P3H4: variants seen among roughly 807,000 people sequenced by gnomAD.
The protein encoded by P3H4 is prolyl 3-hydroxylase family member 4 (inactive).
P3H4 carries 47 observed loss-of-function variants against 52.9 expected under a neutral mutation model. The ratio of observed to expected loss-of-function variants is 0.89; its 90% confidence interval spans 0.70 to 1.13. P3H4 has a LOEUF of 1.13. P3H4 is among the 50% of genes most tolerant of loss of function. The pLI is 0.00. For synonymous variants in P3H4, 256 were observed against 267.9 expected (o/e 0.96, Z 0.44); for missense variants, 585 against 611.0 (o/e 0.96, Z 0.45).
rs1555615274 is a variant in P3H4, at chr17:41,811,812, G to C, written c.104C>G (p.Pro35Arg). The C allele has an allele frequency of 6.5e-7, 1 of 1,537,518 alleles. No homozygotes were observed. The highest frequency in any genetic ancestry group is 8.7e-7 in the Non-Finnish European group (1 of 1,153,574). ...FRGFPPEDLMPLAAAYGHALE... is the reference protein window; with the variant it reads ...FRGFPPEDLMRLAAAYGHALE... ...AGCGTGCCCGTACGCCGCGGCCAGC[G>C]GCATCAGGTCCTCGGGCGGGAAGCC... Residue 35 changes from proline (P) to arginine (R), a missense_variant, in exon 1 of 8, where the codon CCG becomes CGG. Coordinates refer to ENST00000393928, the MANE Select transcript of P3H4 (RefSeq NM_006455.3). The surrounding 1 kb of genome is among the most constrained non-coding windows in gnomAD (Gnocchi z 4.8).
At chr17:41,803,455 G>C in intron 6 of P3H4, 24 bp from the exon 7 acceptor site, 1 of 1,611,174 alleles carries the variant, frequency 6.2e-7, no homozygotes, top group Non-Finnish European at 8.5e-7. Context: ...ACGGTTGTGG[G>C]AGAAACCGGG....
intron 3 of P3H4, among the ~76,000 whole-genome samples, chr17:41,810,305 C>G (rs1365367533): frequency 6.6e-6 from 1 of 151,610 alleles, no homozygotes; most frequent in South Asian, 2.1e-4. Flanking sequence ...TCCCGAGTAG[C>G]TGGGATTACA....
chr17:41,807,787 C>G, intron 5 of P3H4, 72 bp downstream of exon 5: 1 of 1,541,202 alleles, frequency 6.5e-7, no homozygotes, highest in Non-Finnish European at 8.8e-7. Context: ...CATGAGCCAC[C>G]GCGCCCGGCC....
intron 5 of P3H4, 44 bp from the exon 6 acceptor site, chr17:41,806,923 T>C: frequency 6.6e-7 from 1 of 1,510,052 alleles, no homozygotes; most frequent in Non-Finnish European, 9.2e-7. Flanking sequence ...CCATACCCTG[T>C]TGCCAGATGG....
intron 3 of P3H4, among the ~76,000 whole-genome samples, chr17:41,810,159 A>G (rs1176124905): frequency 1.3e-5 from 2 of 150,466 alleles, no homozygotes; most frequent in Non-Finnish European, 3.0e-5. Flanking sequence ...CAGAGAAGCT[A>G]AAGGACAGTC....
chr17:41,809,718 C>T lies in P3H4; in HGVS notation c.904G>A (p.Ala302Thr), dbSNP rs2047709578. ...CCAGGGGGCTCACACTTATAGTAGG[C>T]AAACTGCAGGTAGTGGTACATGGTG... ...VATMYHYLQFAYYKLNDVRQA... is the reference protein window; with the variant it reads ...VATMYHYLQFTYYKLNDVRQA... The change falls in exon 4 of 8, where the codon GCC becomes ACC. Residue 302 changes from alanine to threonine, a missense_variant. Ala to Thr is a moderately conservative substitution (Grantham distance 58). Transcript: ENST00000393928. 1 of 1,613,260 alleles carries T rather than the reference C, an allele frequency of 6.2e-7. No homozygotes were observed. Among genetic ancestry groups the T allele is most frequent in the African/African-American group, 1.3e-5 (1 of 75,034 alleles).
Position 41,802,140 on chromosome 17 carries a change from C to A in P3H4, c.*817G>T, listed in dbSNP as rs543887541. 94 of 152,450 alleles carry A rather than the reference C, an allele frequency of 6.2e-4. No individual in the cohort carries two copies. Among genetic ancestry groups the A allele is most frequent in the African/African-American group, 2.1e-3 (89 of 41,556 alleles). 9.4% of individuals were successfully genotyped at this position (152,450 alleles called of 1,614,324 possible). On this transcript the variant is annotated 3_prime_UTR_variant, in exon 8 of 8. Coordinates refer to ENST00000393928, the MANE Select transcript of P3H4 (RefSeq NM_006455.3). ...GGAGCTCAGCAGTGAGGAGGGCGGA[C>A]CCCATCAGCCCACTTGCCAACCTGC...
At chr17:41,807,833 C>T in intron 5 of P3H4, 26 bp downstream of exon 5, 1 of 1,603,998 alleles carries the variant, frequency 6.2e-7, no homozygotes, top group Non-Finnish European at 8.5e-7. Flanking sequence ...GCATATCCAG[C>T]AAGTGCCCCA....
rs1555613697 is a variant in P3H4 at position 41,802,927 on chromosome 17, C to T, written c.*30G>A. On this transcript the variant is annotated 3_prime_UTR_variant, in exon 8 of 8. Transcript: ENST00000393928. The stretch of plus-strand genomic sequence containing the variant: ...GTGGGGCCATCGGCACCAGGCTTCC[C>T]AAGCTTGAGCGGTGTGGGGTGTCCC... 1.2e-6 allele frequency: 2 copies of T among 1,609,646 alleles called. No individual in the cohort carries two copies. Among genetic ancestry groups the T allele is most frequent in the African/African-American group, 2.7e-5 (2 of 74,806 alleles).
At chr17:41,805,984 A>G (rs1461651055) in intron 6 of P3H4, among the ~76,000 whole-genome samples, 4 of 152,044 alleles carry the variant, frequency 2.6e-5, no homozygotes, top group African/African-American at 9.7e-5. Flanking sequence ...ACTTTGGGAG[A>G]CCGAGGCAGA....
Position 41,811,576 on chromosome 17 carries a change from C to T in P3H4, c.340G>A (p.Ala114Thr). The T allele has an allele frequency of 6.2e-7, 1 of 1,601,012 alleles. No homozygotes were observed. The highest frequency in any genetic ancestry group is 8.5e-7 in the Non-Finnish European group (1 of 1,175,532). Reference protein sequence around the residue: ...RLFGRVLERAACLRRCKRTLP... With the variant: ...RLFGRVLERATCLRRCKRTLP... ...GTCCGCTTGCAGCGCCGCAGGCAGG[C>T]GGCTCGCTCCAGGACGCGGCCGAAG... Residue 114 changes from alanine (A) to threonine (T), a missense_variant, in exon 1 of 8, where the codon GCC becomes ACC. Transcript: ENST00000393928. The surrounding 1 kb of genome is among the most constrained non-coding windows in gnomAD (Gnocchi z 4.8).
intron 4 of P3H4, 120 bp downstream of exon 4, chr17:41,809,586 C>T: frequency 2.4e-6 from 3 of 1,235,660 alleles, no homozygotes; most frequent in South Asian, 1.6e-5. Context: ...AGACTTTCCT[C>T]CTATCACCCA....
At position 41,809,711 on chromosome 17, in the gene P3H4, T is replaced by G; in HGVS notation, c.911A>C (p.Tyr304Ser). The G allele has an allele frequency of 6.2e-7, 1 of 1,613,068 alleles. No individual in the cohort carries two copies. Among genetic ancestry groups the G allele is most frequent in the Non-Finnish European group, 8.5e-7 (1 of 1,179,764 alleles). The change falls in exon 4 of 8, where the codon TAT becomes TCT. Residue 304 changes from tyrosine (Y) to serine (S), a missense_variant. By Grantham distance (144) the Tyr-to-Ser change is moderately radical. Transcript: ENST00000393928. ...AGCCCACCCAGGGGGCTCACACTTATAGTAGGCAAACTGCAGGTAGTGGTA... is the reference window on the plus strand; with the variant it reads ...AGCCCACCCAGGGGGCTCACACTTAGAGTAGGCAAACTGCAGGTAGTGGTA... ...TMYHYLQFAY[Y>S]KLNDVRQAAR... is the part of the protein sequence containing the mutation.
chr17:41,811,180 C>T lies in P3H4; in HGVS notation c.567G>A (p.Leu189=). The change falls in exon 2 of 8, where the codon CTG becomes CTA. Residue 189 remains leucine (L), a synonymous_variant. Transcript: ENST00000393928. The surrounding 1 kb of genome is among the most constrained non-coding windows in gnomAD (Gnocchi z 4.8). The part of the protein sequence containing the change: ...AKYLNYYQGM[L]DVADESLTDL... ...CCGTGAGGGACTCGTCGGCGACGTC[C>T]AGCATCCCCTGATAGTAGTTGAGAT... 1 of 1,614,222 alleles carries T rather than the reference C, an allele frequency of 6.2e-7. No homozygotes were observed. Among genetic ancestry groups the T allele is most frequent in the Non-Finnish European group, 8.5e-7 (1 of 1,180,036 alleles).
intron 6 of P3H4, among the ~76,000 whole-genome samples, chr17:41,803,775 T>G (rs1555613837): frequency 6.6e-6 from 1 of 152,186 alleles, no homozygotes; most frequent in African/African-American, 2.4e-5. Context: ...CTGTCCCCTG[T>G]GCCTGCGTAG....
intron 6 of P3H4, among the ~76,000 whole-genome samples, chr17:41,805,168 T>A (rs1223041591): frequency 6.6e-6 from 1 of 150,486 alleles, no homozygotes; most frequent in African/African-American, 2.4e-5. Flanking sequence ...GCGCCTGTGG[T>A]CCCAGCTACT....
intron 5 of P3H4, 142 bp downstream of exon 5, chr17:41,807,717 C>T (rs537819116): frequency 2.9e-6 from 3 of 1,042,546 alleles, no homozygotes; most frequent in East Asian, 5.9e-5. Context: ...CCAGGATGGT[C>T]CTGATCTCCT....
At chr17:41,803,218 G>T in intron 7 of P3H4, 69 bp downstream of exon 7, 3 of 1,556,428 alleles carry the variant, frequency 1.9e-6, no homozygotes, top group Non-Finnish European at 1.7e-6. Context: ...AGCCCAGCGG[G>T]TGAATGCATC....
rs1555615184 is a variant in P3H4, at chr17:41,811,554, C to A, written c.362G>T (p.Arg121Leu). 4.4e-6 allele frequency: 7 copies of A among 1,608,290 alleles called. No individual in the cohort carries two copies. The Admixed American group carries it at 1.2e-4, about 27-fold the overall frequency. The change falls in exon 1 of 8, where the codon CGG (arginine) becomes CTG (leucine). Residue 121 changes from arginine to leucine, a missense_variant. By Grantham distance (102) the Arg-to-Leu change is moderately radical (BLOSUM62 -2). Transcript: ENST00000393928. The surrounding 1 kb of genome is among the most constrained non-coding windows in gnomAD (Gnocchi z 4.8). ...ERAACLRRCKRTLPAFQVPYP... is the reference protein window; with the variant it reads ...ERAACLRRCKLTLPAFQVPYP... Reference sequence around the variant, plus strand: ...GGGCACCTGGAAGGCGGGCAGCGTCCGCTTGCAGCGCCGCAGGCAGGCGGC... The same window carrying A: ...GGGCACCTGGAAGGCGGGCAGCGTCAGCTTGCAGCGCCGCAGGCAGGCGGC...
Sources: gnomAD v4.1 joint callset for allele counts (sites outside exome capture counted in the v4.1 genomes callset) on GRCh38, gnomAD v4.1.1 for gene constraint, Gnocchi (gnomAD v3.1) non-coding constraint, MANE v1.5 for transcripts, NCBI Gene and HGNC (gene_info 2026-07-23, HGNC 2026-07-21) for gene names.